Variants in SNX8 observed in about 807,000 individuals in gnomAD.
SNX8 encodes the protein sorting nexin 8.
SNX8 carries 25 observed loss-of-function variants against 51.6 expected under a neutral mutation model. The observed-to-expected ratio is 0.48, with a 90% CI of 0.35 to 0.68. The LOEUF (loss-of-function observed/expected upper bound fraction) is 0.68. SNX8 is among the 30% of genes least tolerant of loss of function. SNX8 has a pLI of 0.00. For missense variants in SNX8, 695 were observed against 624.0 expected (o/e 1.11, Z -1.21); for synonymous variants, 324 against 277.0 (o/e 1.17, Z -1.68).
At chr7:2,307,315 C>T (rs772333540) in intron 1 of SNX8, among the ~76,000 whole-genome samples, 1 of 151,508 alleles carries the variant, frequency 6.6e-6, no homozygotes, top group Non-Finnish European at 1.5e-5. Flanking sequence ...ATATGCAGAG[C>T]GTGGCCGCGC....
chr7:2,260,299 T>C (rs1306727585), intron 7 of SNX8, among the ~76,000 whole-genome samples: 2 of 152,154 alleles, frequency 1.3e-5, no homozygotes, highest in Non-Finnish European at 2.9e-5. Context: ...GGTTTCACCA[T>C]GTTGGCCAGG....
At chr7:2,347,774 T>C (rs1056992431) in intron 1 of SNX8, among the ~76,000 whole-genome samples, 6 of 151,916 alleles carry the variant, frequency 3.9e-5, no homozygotes, top group African/African-American at 1.4e-4. Context: ...GCCTCCCAAG[T>C]AGCTGGAATT....
intron 1 of SNX8, among the ~76,000 whole-genome samples, chr7:2,286,717 A>C (rs1584703800): frequency 6.6e-6 from 1 of 151,252 alleles, no homozygotes; most frequent in East Asian, 2.0e-4. Flanking sequence ...ATGGGGTTTC[A>C]CCATGTTAGC....
intron 1 of SNX8, among the ~76,000 whole-genome samples, chr7:2,288,584 C>T (rs578024684): frequency 1.3e-5 from 2 of 152,190 alleles, no homozygotes; most frequent in South Asian, 4.2e-4. Context: ...GACTGCGCAG[C>T]CCAGTGAGTT....
chr7:2,353,874 T>C (rs1345381835), intron 1 of SNX8, among the ~76,000 whole-genome samples: 1 of 152,158 alleles, frequency 6.6e-6, no homozygotes, highest in Non-Finnish European at 1.5e-5. Context: ...CCTCCCAAAG[T>C]GCTGGGATAA....
intron 1 of SNX8, among the ~76,000 whole-genome samples, chr7:2,349,224 T>G (rs1399034790): frequency 6.8e-6 from 1 of 148,120 alleles, no homozygotes; most frequent in Non-Finnish European, 1.5e-5. Flanking sequence ...AAAAAAAAAG[T>G]AAAAAAAATG....
At chr7:2,326,323 C>CCACT (rs1209794633) in intron 1 of SNX8, among the ~76,000 whole-genome samples, 3 of 151,670 alleles carry the variant, frequency 2.0e-5, no homozygotes, top group Non-Finnish European at 2.9e-5. Flanking sequence ...TGTGATCATG[C>CCACT]CACTGAACTC....
intron 1 of SNX8, among the ~76,000 whole-genome samples, chr7:2,333,986 A>C (rs978376749): frequency 6.6e-6 from 1 of 152,082 alleles, no homozygotes; most frequent in Admixed American, 6.6e-5. Flanking sequence ...AAATTTAAAA[A>C]TTAGCAGGCA....
At chr7:2,289,798 C>T (rs1796111379) in intron 1 of SNX8, among the ~76,000 whole-genome samples, 1 of 152,208 alleles carries the variant, frequency 6.6e-6, no homozygotes, top group African/African-American at 2.4e-5. Flanking sequence ...TGGCACGCAC[C>T]TATAGTCCCA....
intron 10 of SNX8, among the ~76,000 whole-genome samples, chr7:2,256,267 T>A (rs1179831357): frequency 6.6e-6 from 1 of 152,154 alleles, no homozygotes; most frequent in African/African-American, 2.4e-5. Context: ...CAGTGTGGAA[T>A]CTCGTGACCA....
At chr7:2,280,001 G>A (rs1795874296) in intron 1 of SNX8, among the ~76,000 whole-genome samples, 1 of 152,164 alleles carries the variant, frequency 6.6e-6, no homozygotes, top group Admixed American at 6.5e-5. Context: ...TGTTCACAGT[G>A]AACACATTAC....
chr7:2,315,497 G>T (rs1796739136), upstream of SNX8, among the ~76,000 whole-genome samples: 1 of 132,322 alleles, frequency 7.6e-6, no homozygotes, highest in Admixed American at 8.2e-5. Context: ...CTCACTTACT[G>T]CTTCTTCATA....
At chr7:2,304,315 T>G (rs531361451) in intron 1 of SNX8, among the ~76,000 whole-genome samples, 1 of 151,828 alleles carries the variant, frequency 6.6e-6, no homozygotes, top group East Asian at 2.0e-4. Flanking sequence ...GAGGCCAAGG[T>G]GGGCAGATCA....
chr7:2,334,068 C>T (rs1423681268), intron 1 of SNX8, among the ~76,000 whole-genome samples: 1 of 151,804 alleles, frequency 6.6e-6, no homozygotes, highest in Non-Finnish European at 1.5e-5. Flanking sequence ...CCAGGAGTTC[C>T]AGACCAGATT....
At chr7:2,262,834 C>G (rs1176086780) in intron 7 of SNX8, among the ~76,000 whole-genome samples, 1 of 152,176 alleles carries the variant, frequency 6.6e-6, no homozygotes, top group African/African-American at 2.4e-5. Flanking sequence ...AACTGGGAAG[C>G]CGGCCGGGCA....
chr7:2,260,835 A>G (rs933224402), intron 7 of SNX8, among the ~76,000 whole-genome samples: 6 of 152,240 alleles, frequency 3.9e-5, no homozygotes, highest in African/African-American at 1.4e-4. Flanking sequence ...TGAGATGTCC[A>G]AGAGTCACAG....
At position 2,307,384 on chromosome 7, in the gene SNX8, G is replaced by A. The variant is rs139689522; in HGVS notation, c.94+6944C>T. On this transcript the variant is annotated intron_variant, in intron 1 of 10. Transcript: ENST00000222990. The stretch of plus-strand genomic sequence containing the variant: ...GCAGTGGCTCACGCCTGTAATCCCA[G>A]CACTTTGGGAAGCCAAGGCGGGGGG... Among the ~76,000 whole-genome samples the A allele has an allele frequency of 4.5e-3, 684 of 151,718 alleles. 4 individuals are homozygous for A. Among genetic ancestry groups the A allele is most frequent in the African/African-American group, 0.016 (652 of 41,132 alleles).
In SNX8 at chr7:2,254,754, G is replaced by A. The variant is rs1017750240; in HGVS notation, c.*302C>T. 6 of 445,746 alleles carry A rather than the reference G, an allele frequency of 1.3e-5. No individual in the cohort carries two copies. The highest frequency in any genetic ancestry group is 1.0e-4 in the African/African-American group (5 of 49,500). The allele number at this position is 445,746 out of a possible 1,614,324, so 27.6% of individuals were successfully genotyped here. On this transcript the variant is annotated 3_prime_UTR_variant, in exon 11 of 11. Coordinates refer to ENST00000222990, the MANE Select transcript of SNX8 (RefSeq NM_013321.4). ...CCACGCTCCCCCAGGCACAATCTCT[G>A]TGAGATGAGAGATCCCTGCCTCCCC...
intron 7 of SNX8, among the ~76,000 whole-genome samples, chr7:2,259,375 C>T (rs73043228): frequency 6.6e-6 from 1 of 152,234 alleles, no homozygotes; most frequent in Non-Finnish European, 1.5e-5. Context: ...TCGGGGAGAC[C>T]AAGCTCCCTC....
Sources: gnomAD v4.1 joint callset for allele counts (sites outside exome capture counted in the v4.1 genomes callset) on GRCh38, gnomAD v4.1.1 for gene constraint, MANE v1.5 for transcripts, NCBI Gene and HGNC (gene_info 2026-07-23, HGNC 2026-07-21) for gene names.